NUB1: variants seen among roughly 807,000 people sequenced by gnomAD.
The protein encoded by NUB1 is NEDD8 ultimate buster 1.
Under a neutral mutation model 77.1 loss-of-function variants are expected in NUB1, and 41 were observed. That is an observed-to-expected ratio of 0.53 (90% CI 0.41 to 0.69). The LOEUF (loss-of-function observed/expected upper bound fraction) is 0.69. Ranked by LOEUF, NUB1 falls within the 30% of genes least tolerant of loss-of-function variation. The probability of loss-of-function intolerance (pLI) is 0.00; values close to 1 mark genes in which losing one functional copy is unlikely to be tolerated. For synonymous variants in NUB1, 257 were observed against 281.0 expected, an observed-to-expected ratio of 0.91 and a Z score of 0.85; for missense variants, 643 against 743.8, an observed-to-expected ratio of 0.86 and a Z score of 1.58.
At chr7:151,376,865 A>G (rs866423800) in intron 14 of NUB1, 54 bp downstream of exon 14, 1 of 1,523,610 alleles carries the variant, frequency 6.6e-7, no homozygotes, top group Middle Eastern at 1.7e-4. Context: ...TTCAGAAGCC[A>G]ACAGATGTGG....
At chr7:151,349,385 G>A in intron 3 of NUB1, 145 bp downstream of exon 3, 1 of 738,920 alleles carries the variant, frequency 1.4e-6, no homozygotes, top group Non-Finnish European at 2.2e-6. Flanking sequence ...CAGCTTGAAA[G>A]TCAATGTTAC....
chr7:151,370,198 T>C (rs1029494420), intron 11 of NUB1, among the ~76,000 whole-genome samples: 2 of 152,140 alleles, frequency 1.3e-5, no homozygotes, highest in Non-Finnish European at 2.9e-5. Context: ...GTGATTCTTC[T>C]GCCTTAGCCT....
intron 11 of NUB1, among the ~76,000 whole-genome samples, chr7:151,370,055 G>A (rs1395894864): frequency 1.3e-5 from 2 of 151,716 alleles, no homozygotes; most frequent in Non-Finnish European, 2.9e-5. Flanking sequence ...TGCTATAGAA[G>A]TCAATGAGTA....
At chr7:151,360,052 CTTTG>C (rs1797296366) in intron 7 of NUB1, 85 bp from the exon 8 acceptor site, 1 of 572,416 alleles carries the variant, frequency 1.7e-6, no homozygotes, top group African/African-American at 1.9e-5. Flanking sequence ...ATTTTTTTTA[CTTTG>C]TTTTTTAAAA....
At chr7:151,342,254 A>G (rs762024757) in intron 1 of NUB1, among the ~76,000 whole-genome samples, 5 of 152,172 alleles carry the variant, frequency 3.3e-5, no homozygotes, top group Non-Finnish European at 7.3e-5. Flanking sequence ...TAATGACAAG[A>G]CACTTGATTT....
At chr7:151,348,565 TTTGC>T (rs1796615133) in intron 2 of NUB1, among the ~76,000 whole-genome samples, 5 of 117,218 alleles carry the variant, frequency 4.3e-5, no homozygotes, top group African/African-American at 9.4e-5. Flanking sequence ...TTTTTTGCTT[TTTGC>T]TTTTTTTTTT....
At chr7:151,345,538 C>A in intron 2 of NUB1, 72 bp downstream of exon 2, 1 of 835,012 alleles carries the variant, frequency 1.2e-6, no homozygotes, top group Non-Finnish European at 1.9e-6. Context: ...TCTGAATTGT[C>A]AGGCATGACC....
At chr7:151,349,026 CT>C (rs372865814) in intron 2 of NUB1, 46 bp from the exon 3 acceptor site, 47,667 of 988,320 alleles carry the variant, frequency 0.048, no homozygotes, top group East Asian at 0.06. Context: ...TATATTTTGC[CT>C]TTTTTTTTTT....
At position 151,355,891 on chromosome 7, in the gene NUB1, A is replaced by C. The variant is rs577604861; in HGVS notation, c.539A>C (p.Lys180Thr). ...GAGGAAGAGGAGCAAAATGAGGCCA[A>C]ACTCAAAGAAAAACAAATTCAGAGG... ...QLEEEEQNEA[K>T]LKEKQIQRTK... is the part of the protein sequence containing the mutation. The change falls in exon 6 of 15, where the codon AAA becomes ACA. Residue 180 changes from lysine to threonine, a missense_variant. By Grantham distance (78) the Lys-to-Thr change is moderately conservative. Transcript: ENST00000568733. The C allele has an allele frequency of 6.2e-7, 1 of 1,613,958 alleles. No homozygotes were observed. The highest frequency in any genetic ancestry group is 1.7e-5 in the Admixed American group (1 of 60,020).
chr7:151,368,196 C>T (rs1797782539), intron 10 of NUB1, among the ~76,000 whole-genome samples: 1 of 152,194 alleles, frequency 6.6e-6, no homozygotes, highest in Non-Finnish European at 1.5e-5. Flanking sequence ...GTTTATGGCT[C>T]ACTCATCTTG....
At chr7:151,370,380 C>T (rs970711143) in intron 11 of NUB1, among the ~76,000 whole-genome samples, 2 of 152,114 alleles carry the variant, frequency 1.3e-5, no homozygotes, top group African/African-American at 4.8e-5. Context: ...TGAGCCACTG[C>T]GACCAGCTGA....
intron 8 of NUB1, chr7:151,361,380 T>A (rs1797373939): frequency 6.6e-6 from 1 of 152,196 alleles, no homozygotes; most frequent in African/African-American, 2.4e-5. Context: ...CAGCCCATGT[T>A]TTTTTGACCT....
chr7:151,353,642 A>G (rs1347574139), intron 5 of NUB1, among the ~76,000 whole-genome samples: 2 of 152,200 alleles, frequency 1.3e-5, no homozygotes, highest in Non-Finnish European at 2.9e-5. Flanking sequence ...GCGGAGTGAT[A>G]CACAATTCTG....
chr7:151,350,209 G>A (rs1796722070), intron 3 of NUB1, among the ~76,000 whole-genome samples: 1 of 152,282 alleles, frequency 6.6e-6, no homozygotes, highest in South Asian at 2.1e-4. Context: ...AAGTGAAACA[G>A]GAGCGGGACC....
intron 1 of NUB1, among the ~76,000 whole-genome samples, chr7:151,345,012 A>G (rs1796435718): frequency 6.6e-6 from 1 of 152,212 alleles, no homozygotes; most frequent in Admixed American, 6.5e-5. Context: ...AAAAGAAAAA[A>G]AGAAGTTCAC....
chr7:151,361,387 A>G (rs1278502859), intron 8 of NUB1: 1 of 152,038 alleles, frequency 6.6e-6, no homozygotes, highest in Non-Finnish European at 1.5e-5. Context: ...TGTTTTTTTG[A>G]CCTGACCCTG....
At chr7:151,352,406 A>G (rs1344621428) in intron 4 of NUB1, 1 of 281,286 alleles carries the variant, frequency 3.6e-6, no homozygotes, top group African/African-American at 2.2e-5. Context: ...TTCTGATAAA[A>G]TGGATAAAAG....
intron 8 of NUB1, among the ~76,000 whole-genome samples, chr7:151,363,620 C>G (rs561372399): frequency 2.0e-5 from 3 of 151,816 alleles, no homozygotes; most frequent in Non-Finnish European, 4.4e-5. Flanking sequence ...AACTATAAAC[C>G]CCCAGATGCA....
At chr7:151,353,580 T>A (rs1458541128) in intron 5 of NUB1, among the ~76,000 whole-genome samples, 1 of 152,212 alleles carries the variant, frequency 6.6e-6, no homozygotes, top group East Asian at 1.9e-4. Flanking sequence ...CTAGATGACC[T>A]TCCTCAGTGT....
Sources: allele counts gnomAD v4.1 joint callset (sites outside exome capture counted in the v4.1 genomes callset), GRCh38; gene constraint gnomAD v4.1.1; transcripts MANE v1.5; gene names NCBI Gene and HGNC (gene_info 2026-07-23, HGNC 2026-07-21).